F13A1: variants seen among roughly 807,000 people sequenced by gnomAD.
The protein encoded by F13A1 is FSF, A subunit.
Under a neutral mutation model 80.1 loss-of-function variants are expected in F13A1, and 47 were observed. The observed-to-expected ratio is 0.59, with a 90% CI of 0.46 to 0.75. F13A1 has a LOEUF of 0.75. Ranked by LOEUF, F13A1 falls within the 30% of genes least tolerant of loss-of-function variation. F13A1 has a pLI of 0.00. For synonymous variants in F13A1, 349 were observed against 344.9 expected (o/e 1.01, Z -0.13); for missense variants, 817 against 930.4 (o/e 0.88, Z 1.59).
chr6:6,211,901 CAAAG>C (rs921588654), intron 8 of F13A1, among the ~76,000 whole-genome samples: 6 of 152,238 alleles, frequency 3.9e-5, no homozygotes, highest in South Asian at 4.1e-4. Context: ...CTTCCCGAGT[CAAAG>C]AAAGGGGTGA....
chr6:6,224,031 T>C (rs1757237788), intron 7 of F13A1, among the ~76,000 whole-genome samples: 1 of 152,230 alleles, frequency 6.6e-6, no homozygotes, highest in Non-Finnish European at 1.5e-5. Context: ...TGAAAAATGA[T>C]GCATGACACT....
chr6:6,284,448 C>T (rs891682657), intron 3 of F13A1, among the ~76,000 whole-genome samples: 2 of 152,166 alleles, frequency 1.3e-5, no homozygotes, highest in Non-Finnish European at 2.9e-5. Context: ...GTCACAGAAA[C>T]ATAAGGGTTT....
At chr6:6,259,632 C>T (rs936298785) in intron 4 of F13A1, among the ~76,000 whole-genome samples, 1 of 152,188 alleles carries the variant, frequency 6.6e-6, no homozygotes, top group Non-Finnish European at 1.5e-5. Context: ...ATGGTAAGGT[C>T]TGAGATTACA....
At chr6:6,315,025 A>G (rs1758659124) in intron 2 of F13A1, among the ~76,000 whole-genome samples, 1 of 152,258 alleles carries the variant, frequency 6.6e-6, no homozygotes, top group Non-Finnish European at 1.5e-5. Context: ...AAAAACTACT[A>G]GAACCCAGTT....
At chr6:6,185,053 T>C (rs1320694437) in intron 10 of F13A1, among the ~76,000 whole-genome samples, 1 of 151,934 alleles carries the variant, frequency 6.6e-6, no homozygotes, top group Non-Finnish European at 1.5e-5. Context: ...GGTAGAACAA[T>C]AGATAAGTTC....
chr6:6,247,557 C>T (rs1416503339), intron 6 of F13A1, among the ~76,000 whole-genome samples: 1 of 152,192 alleles, frequency 6.6e-6, no homozygotes, highest in African/African-American at 2.4e-5. Flanking sequence ...ATGCCTGGCC[C>T]ACCCTTCCCA....
chr6:6,167,768 T>C (rs1294437361), intron 12 of F13A1, 150 bp from the exon 13 acceptor site: 5 of 812,714 alleles, frequency 6.2e-6, no homozygotes, highest in Admixed American at 6.1e-5. Context: ...AAAGAGTCAA[T>C]TGGGGATAAG....
At chr6:6,163,918 T>C (rs1464559152) in intron 13 of F13A1, among the ~76,000 whole-genome samples, 1 of 152,182 alleles carries the variant, frequency 6.6e-6, no homozygotes, top group East Asian at 1.9e-4. Context: ...TGAACTAGTT[T>C]ACACTCCCAC....
intron 2 of F13A1, among the ~76,000 whole-genome samples, chr6:6,307,517 C>A (rs1758529573): frequency 6.6e-6 from 1 of 152,168 alleles, no homozygotes; most frequent in Admixed American, 6.5e-5. Context: ...CAATCAACTC[C>A]TCTGGTCCTC....
intron 2 of F13A1, among the ~76,000 whole-genome samples, chr6:6,316,758 A>T (rs1207580447): frequency 3.9e-5 from 6 of 152,166 alleles, no homozygotes; most frequent in African/African-American, 1.4e-4. Context: ...TGTGGGTCAG[A>T]CTTGATCACA....
At chr6:6,149,933 A>T (rs1479526547) in intron 14 of F13A1, among the ~76,000 whole-genome samples, 2 of 152,252 alleles carry the variant, frequency 1.3e-5, no homozygotes, top group Non-Finnish European at 2.9e-5. Flanking sequence ...TCAGACATTA[A>T]CAATAAACAA....
At chr6:6,212,870 T>C (rs1410253195) in intron 8 of F13A1, among the ~76,000 whole-genome samples, 1 of 151,950 alleles carries the variant, frequency 6.6e-6, no homozygotes, top group Admixed American at 6.6e-5. Context: ...GCTCGAGAAC[T>C]AAGTGAAGAA....
At chr6:6,209,460 CAT>C (rs1339414707) in intron 8 of F13A1, among the ~76,000 whole-genome samples, 1 of 151,884 alleles carries the variant, frequency 6.6e-6, no homozygotes, top group African/African-American at 2.4e-5. Flanking sequence ...AGAAATTAAA[CAT>C]AGAGTTACCA....
At chr6:6,248,920 T>C (rs1757592434) in intron 5 of F13A1, among the ~76,000 whole-genome samples, 1 of 152,146 alleles carries the variant, frequency 6.6e-6, no homozygotes, top group South Asian at 2.1e-4. Context: ...CCTCATATAG[T>C]GACTGTCCCT....
intron 8 of F13A1, 89 bp downstream of exon 8, chr6:6,221,944 C>G: frequency 6.8e-7 from 1 of 1,470,724 alleles, no homozygotes; most frequent in Non-Finnish European, 9.4e-7. Context: ...CAAAATAGAA[C>G]AGAAACATCA....
intron 6 of F13A1, among the ~76,000 whole-genome samples, chr6:6,244,783 A>G (rs1381077058): frequency 6.6e-6 from 1 of 152,210 alleles, no homozygotes; most frequent in Admixed American, 6.5e-5. Flanking sequence ...CCTGGGTCAC[A>G]TAGTAAGTTA....
chr6:6,312,271 C>A (rs1473386438), intron 2 of F13A1, among the ~76,000 whole-genome samples: 5 of 151,750 alleles, frequency 3.3e-5, no homozygotes, highest in Admixed American at 6.6e-5. Context: ...TGCAATATCA[C>A]TTCAACAAGC....
chr6:6,318,328 G>A (rs1456017799), intron 2 of F13A1, among the ~76,000 whole-genome samples: 1 of 152,246 alleles, frequency 6.6e-6, no homozygotes, highest in Non-Finnish European at 1.5e-5. Flanking sequence ...GTAAGGGGCA[G>A]AACTGGGACA....
rs1414728031 is a variant in F13A1, at chr6:6,296,959, G to C, written c.319+8392C>G. Among the ~76,000 whole-genome samples the C allele has an allele frequency of 2.8e-5, 4 of 145,228 alleles. No homozygotes were observed. The East Asian group carries it at 7.8e-4, about 28-fold the overall frequency. On this transcript the variant is annotated intron_variant, in intron 3 of 14. Transcript: ENST00000264870. The stretch of plus-strand genomic sequence containing the variant: ...TTATTGAGAGTTTTTAGCATGAAGG[G>C]TTGTTGAATTTTGTCAAAGGCCTTT...
Sources: gnomAD v4.1 joint callset for allele counts (sites outside exome capture counted in the v4.1 genomes callset) on GRCh38, gnomAD v4.1.1 for gene constraint, MANE v1.5 for transcripts, NCBI Gene and HGNC (gene_info 2026-07-23, HGNC 2026-07-21) for gene names.